The following STRN variants were observed in gnomAD, a reference collection of about 807,000 sequenced individuals.
STRN encodes the protein striatin.
A neutral mutation model predicts 96.3 loss-of-function variants in STRN; 53 were observed. The observed-to-expected ratio is 0.55, with a 90% confidence interval of 0.44 to 0.69. The LOEUF is 0.69. Among genes scored for constraint, STRN ranks in the 30% least tolerant of loss-of-function variants. STRN has a pLI of 0.00. For synonymous variants in STRN, 428 were observed against 355.9 expected (o/e 1.20, Z -2.28); for missense variants, 987 against 963.9 (o/e 1.02, Z -0.32).
chr2:36,895,947 G>T (rs1669531083), intron 6 of STRN, among the ~76,000 whole-genome samples: 1 of 151,710 alleles, frequency 6.6e-6, no homozygotes, highest in African/African-American at 2.4e-5. Flanking sequence ...AAAAACAGGT[G>T]TATCTGAAGA....
In STRN at chr2:36,849,412, T is replaced by G. The variant is rs370410874; in HGVS notation, c.*44A>C. On this transcript the variant is annotated 3_prime_UTR_variant, in exon 18 of 18. Transcript: ENST00000263918. ...CGTCTTCTGTATCTCTTGTGTGCAG[T>G]TGATTACTTATAAACAGCTAGAAGG... 32 of 1,603,660 alleles carry G rather than the reference T, an allele frequency of 2.0e-5. 1 individual carries two copies. In the South Asian group the frequency reaches 2.0e-4, roughly 10 times the overall value.
At chr2:36,880,187 C>G (rs1028386780) in intron 9 of STRN, among the ~76,000 whole-genome samples, 1 of 152,206 alleles carries the variant, frequency 6.6e-6, no homozygotes, top group African/African-American at 2.4e-5. Context: ...AGGCTGGTCT[C>G]AAACTCCTGA....
chr2:36,909,527 G>A (rs557795856), intron 3 of STRN, among the ~76,000 whole-genome samples: 12 of 151,978 alleles, frequency 7.9e-5, no homozygotes, highest in Non-Finnish European at 1.6e-4. Context: ...TGAGAGAAGG[G>A]GAAAGCAAAC....
intron 12 of STRN, 40 bp downstream of exon 12, chr2:36,867,774 A>C: frequency 5.3e-5 from 72 of 1,349,258 alleles, no homozygotes; most frequent in Non-Finnish European, 7.0e-5. Context: ...GCTATTTTAC[A>C]GAGATATCGG....
intron 1 of STRN, among the ~76,000 whole-genome samples, chr2:36,952,054 C>T (rs1038659091): frequency 1.3e-5 from 2 of 152,026 alleles, no homozygotes; most frequent in Admixed American, 6.5e-5. Context: ...TACACACGCA[C>T]GCACACACAC....
chr2:36,905,023 G>A (rs936756756), intron 4 of STRN, among the ~76,000 whole-genome samples: 1 of 149,240 alleles, frequency 6.7e-6, no homozygotes, highest in Non-Finnish European at 1.5e-5. Context: ...AGGCTGGAGT[G>A]CAATGGCGCG....
intron 2 of STRN, among the ~76,000 whole-genome samples, chr2:36,920,562 C>A (rs184572255): frequency 4.1e-4 from 61 of 149,686 alleles, no homozygotes; most frequent in African/African-American, 1.4e-3. Context: ...CTCTTGAACT[C>A]GGGAGGTGCA....
chr2:36,894,106 T>C, intron 6 of STRN, 73 bp from the exon 7 acceptor site: 1 of 1,523,710 alleles, frequency 6.6e-7, no homozygotes, highest in Non-Finnish European at 8.8e-7. Flanking sequence ...AATTCAATTA[T>C]TTTCTTCAGA....
At position 36,857,886 on chromosome 2, in the gene STRN, G is replaced by C. The variant is rs759318441; in HGVS notation, c.1807C>G (p.Pro603Ala). 3 of 1,613,972 alleles carry C rather than the reference G, an allele frequency of 1.9e-6. No individual in the cohort carries two copies. Among genetic ancestry groups the C allele is most frequent in the Admixed American group, 1.7e-5 (1 of 59,994 alleles). ...GTATCATTAAATACACTTAGTGCTG[G>C]AGCAACCTCAGTTGTATTCCATAAA... The part of the protein sequence containing the change: ...LRLWNTTEVA[P>A]ALSVFNDTKE... Residue 603 changes from proline to alanine, a missense_variant, in exon 14 of 18, where the codon CCA becomes GCA. Coordinates refer to ENST00000263918, the MANE Select transcript of STRN (RefSeq NM_003162.4).
At chr2:36,922,615 C>T (rs1022449574) in intron 2 of STRN, among the ~76,000 whole-genome samples, 3 of 151,430 alleles carry the variant, frequency 2.0e-5, no homozygotes, top group South Asian at 2.1e-4. Context: ...TATGATCTGA[C>T]TCTTGCCCCC....
rs1667991039 is a variant in STRN at position 36,843,254 on chromosome 2, G to A, written c.*6202C>T. Among the ~76,000 whole-genome samples, 1 of 152,174 alleles carries A rather than the reference G, an allele frequency of 6.6e-6. No individual in the cohort carries two copies. The highest frequency in any genetic ancestry group is 6.5e-5 in the Admixed American group (1 of 15,270). Reference sequence around the variant, plus strand: ...ATGGTGGATAGTTTCAAGGATATCAGAAGAGATGCCTTTTAAATTTCATAT... The same window carrying A: ...ATGGTGGATAGTTTCAAGGATATCAAAAGAGATGCCTTTTAAATTTCATAT... On this transcript the variant is annotated 3_prime_UTR_variant, in exon 18 of 18. Coordinates refer to ENST00000263918, the MANE Select transcript of STRN (RefSeq NM_003162.4).
At chr2:36,935,237 T>C (rs1012554130) in intron 1 of STRN, among the ~76,000 whole-genome samples, 11 of 152,192 alleles carry the variant, frequency 7.2e-5, no homozygotes, top group Non-Finnish European at 1.6e-4. Flanking sequence ...ATTCTACCAA[T>C]GTCCTAGTCT....
rs57446302 is a variant in STRN, at chr2:36,846,387, TTATATATA to T, written c.*3061_*3068del. 0.011 allele frequency: 871 copies of T among 78,310 alleles called. 17 individuals carry two copies. The highest frequency in any genetic ancestry group is 0.031 in the East Asian group (67 of 2,144). 4.9% of individuals were successfully genotyped at this position (78,310 alleles called of 1,614,324 possible). On this transcript the variant is annotated 3_prime_UTR_variant, in exon 18 of 18. Coordinates refer to ENST00000263918, the MANE Select transcript of STRN (RefSeq NM_003162.4). ...CAAAACAGTAAAATGCACCTATGGT[TTATATATA>T]TATATATATATATATATATATATAT...
chr2:36,897,751 T>C (rs535068583), intron 6 of STRN, among the ~76,000 whole-genome samples: 4 of 152,060 alleles, frequency 2.6e-5, no homozygotes, highest in Admixed American at 6.6e-5. Context: ...CTAAAAAAAT[T>C]TTTGAGTGCA....
intron 1 of STRN, among the ~76,000 whole-genome samples, chr2:36,928,038 A>T (rs1670461707): frequency 6.6e-6 from 1 of 152,238 alleles, no homozygotes; most frequent in Non-Finnish European, 1.5e-5. Flanking sequence ...CCTTTGAGAA[A>T]AGAGTAAAAG....
At chr2:36,938,456 T>G (rs544650059) in intron 1 of STRN, among the ~76,000 whole-genome samples, 147 of 151,448 alleles carry the variant, frequency 9.7e-4, no homozygotes, top group African/African-American at 3.5e-3. Flanking sequence ...GTTTAAGAAA[T>G]TAAGGAAAGC....
chr2:36,882,317 A>T (rs1669093379), intron 9 of STRN, among the ~76,000 whole-genome samples: 2 of 152,226 alleles, frequency 1.3e-5, no homozygotes. Context: ...ATAAGTATTT[A>T]AAAATATACA....
intron 2 of STRN, among the ~76,000 whole-genome samples, chr2:36,921,058 A>C (rs1230889402): frequency 6.6e-6 from 1 of 151,884 alleles, no homozygotes; most frequent in Non-Finnish European, 1.5e-5. Context: ...CTGGTGACAG[A>C]GCAAGGCTCT....
intron 10 of STRN, among the ~76,000 whole-genome samples, chr2:36,873,192 C>T (rs2148155954): frequency 6.6e-6 from 1 of 152,260 alleles, no homozygotes; most frequent in Non-Finnish European, 1.5e-5. Context: ...ATCCCAGATC[C>T]CAGAGCCAGT....
Sources: gnomAD v4.1 joint callset for allele counts (sites outside exome capture counted in the v4.1 genomes callset) on GRCh38, gnomAD v4.1.1 for gene constraint, MANE v1.5 for transcripts, NCBI Gene and HGNC (gene_info 2026-07-23, HGNC 2026-07-21) for gene names.